DDX60: variants seen among roughly 807,000 people sequenced by gnomAD.
DDX60 encodes the protein probable ATP-dependent RNA helicase DDX60.
A neutral mutation model predicts 212.8 loss-of-function variants in DDX60; 165 were observed. That is an observed-to-expected ratio of 0.78 (90% CI 0.68 to 0.88). The LOEUF (loss-of-function observed/expected upper bound fraction) is 0.88, where lower values mean the gene tolerates loss of function less well. Ranked by LOEUF, DDX60 falls within the 40% of genes least tolerant of loss-of-function variation. DDX60 has a pLI of 0.00. For missense variants in DDX60, 1,905 were observed against 2,003.9 expected, an observed-to-expected ratio of 0.95 and a Z score of 0.94; for synonymous variants, 703 against 685.3, an observed-to-expected ratio of 1.03 and a Z score of -0.40.
chr4:168,254,595 G>A (rs902091509), intron 26 of DDX60, among the ~76,000 whole-genome samples: 27 of 152,042 alleles, frequency 1.8e-4, no homozygotes, highest in Non-Finnish European at 1.5e-5. Context: ...AAAAATACAC[G>A]GTTCCTGTTG....
intron 35 of DDX60, among the ~76,000 whole-genome samples, chr4:168,222,429 T>A: frequency 6.6e-6 from 1 of 152,118 alleles, no homozygotes. Flanking sequence ...AGCATACTGT[T>A]ATTATGAGTG....
At chr4:168,273,439 G>T in intron 17 of DDX60, 41 bp from the exon 18 acceptor site, 2 of 1,608,666 alleles carry the variant, frequency 1.2e-6, no homozygotes, top group South Asian at 2.2e-5. Context: ...ACATAATAGA[G>T]AGAGGTGAAA....
intron 27 of DDX60, 31 bp from the exon 28 acceptor site, chr4:168,251,137 A>G (rs755964975): frequency 6.4e-7 from 1 of 1,567,920 alleles, no homozygotes; most frequent in East Asian, 2.3e-5. Flanking sequence ...AGGGATTATG[A>G]TTTAATTTTA....
chr4:168,285,287 T>A, intron 11 of DDX60, 106 bp downstream of exon 11: 2 of 717,080 alleles, frequency 2.8e-6, no homozygotes, highest in Non-Finnish European at 4.7e-6. Flanking sequence ...TACAAACACA[T>A]ACTACATGTA....
chr4:168,256,569 G>C (rs573710452), intron 25 of DDX60, among the ~76,000 whole-genome samples: 40 of 152,266 alleles, frequency 2.6e-4, no homozygotes, highest in Admixed American at 1.7e-3. Context: ...AATGGCTGCA[G>C]ATCAAATTCT....
chr4:168,281,599 C>T (rs1164813541), intron 13 of DDX60, among the ~76,000 whole-genome samples: 1 of 152,152 alleles, frequency 6.6e-6, no homozygotes, highest in Non-Finnish European at 1.5e-5. Flanking sequence ...ATAAGCACTT[C>T]CAATTAACTT....
In DDX60 at chr4:168,264,110, G is replaced by A. The variant is rs531364315; in HGVS notation, c.3040-1323C>T. Among the ~76,000 whole-genome samples the A allele has an allele frequency of 5.6e-4, 86 of 152,272 alleles. 1 individual carries two copies. Among genetic ancestry groups the A allele is most frequent in the African/African-American group, 2.1e-3 (86 of 41,564 alleles). ...ACAGTTGAAAAAAACTGGAGATGAT[G>A]TTTGGTAGAATGGAAAGTACAGGAG... is the stretch of plus-strand genomic sequence containing the variant. On this transcript the variant is annotated intron_variant, in intron 22 of 37. Transcript: ENST00000393743.
chr4:168,280,296 T>A (rs761113818), intron 14 of DDX60, 39 bp downstream of exon 14: 2 of 1,569,852 alleles, frequency 1.3e-6, no homozygotes, highest in Admixed American at 3.8e-5. Context: ...TTTGTATTAA[T>A]TCTCCAACTC....
At chr4:168,264,385 T>C (rs1734753052) in intron 22 of DDX60, among the ~76,000 whole-genome samples, 1 of 152,208 alleles carries the variant, frequency 6.6e-6, no homozygotes, top group Non-Finnish European at 1.5e-5. Context: ...ATCAACATAC[T>C]AAATAAAACA....
intron 14 of DDX60, among the ~76,000 whole-genome samples, chr4:168,279,173 G>T (rs914192425): frequency 6.6e-6 from 1 of 152,192 alleles, no homozygotes; most frequent in Admixed American, 6.5e-5. Context: ...TTATCTTCTT[G>T]TGTTCTGGCA....
At chr4:168,284,193 A>G (rs1735716929) in intron 12 of DDX60, among the ~76,000 whole-genome samples, 2 of 152,190 alleles carry the variant, frequency 1.3e-5, no homozygotes, top group Non-Finnish European at 2.9e-5. Flanking sequence ...AAGCATGTTA[A>G]TGGTTCATCT....
intron 1 of DDX60, among the ~76,000 whole-genome samples, chr4:168,314,141 A>C (rs1737259979): frequency 6.6e-6 from 1 of 152,172 alleles, no homozygotes. Flanking sequence ...AAGTAGGCTT[A>C]CACACCCTAG....
At chr4:168,320,139 C>A (rs548831230), upstream of DDX60, among the ~76,000 whole-genome samples, 3 of 152,306 alleles carry the variant, frequency 2.0e-5, no homozygotes, top group South Asian at 2.1e-4. Flanking sequence ...ATACCCTGCA[C>A]TCCTCCCTCC....
rs968196023 is a variant in DDX60, at chr4:168,293,767, T to G, written c.882+20A>C. 1 of 1,572,796 alleles carries G rather than the reference T, an allele frequency of 6.4e-7. No homozygotes were observed. The highest frequency in any genetic ancestry group is 1.4e-5 in the African/African-American group (1 of 72,910). ...TGTGGAGAGAAATAGTATTTCTCAG[T>G]AAAGTTATAAAAACCACACCTGTTG... On this transcript the variant is annotated intron_variant, in intron 7 of 37. Transcript: ENST00000393743.
intron 26 of DDX60, 149 bp downstream of exon 26, chr4:168,255,562 C>A: frequency 3.3e-6 from 2 of 609,426 alleles, no homozygotes; most frequent in East Asian, 3.3e-5. Context: ...ATCTTTATCC[C>A]ATTCTCTCAC....
At position 168,273,952 on chromosome 4, in the gene DDX60, C is replaced by T; in HGVS notation, c.2436G>A (p.Val812=). 6.2e-7 allele frequency: 1 copy of T among 1,613,978 alleles called. No homozygotes were observed. Among genetic ancestry groups the T allele is most frequent in the Non-Finnish European group, 8.5e-7 (1 of 1,179,944 alleles). Residue 812 remains valine (V), a synonymous_variant, in exon 17 of 38, where the codon GTG becomes GTA. Transcript: ENST00000393743. ...VLKESDDGVV[V]YVAPTKALVN... ...GCACTACCTTTGTGGGTGCAACGTA[C>T]ACGACCACCCCGTCGTCGCTCTCCT...
Position 168,273,344 on chromosome 4 carries a change from G to A in DDX60, c.2509C>T (p.Pro837Ser). The change falls in exon 18 of 38, where the codon CCA becomes TCA. Residue 837 changes from proline (P) to serine (S), a missense_variant. Physicochemically the swap from Pro to Ser is moderately conservative, Grantham distance 74 (BLOSUM62 -1). Coordinates refer to ENST00000393743, the MANE Select transcript of DDX60 (RefSeq NM_017631.6). Reference protein sequence around the residue: ...TVQNRFTKNLPSGEVLCGVFT... With the variant: ...TVQNRFTKNLSSGEVLCGVFT... ...ACACCACAGAGAACTTCACCACTTGGCAGATTTTTCGTAAAACGATTCTGA... is the reference window on the plus strand; with the variant it reads ...ACACCACAGAGAACTTCACCACTTGACAGATTTTTCGTAAAACGATTCTGA... The A allele has an allele frequency of 6.2e-7, 1 of 1,613,832 alleles. No individual in the cohort carries two copies. The highest frequency in any genetic ancestry group is 8.5e-7 in the Non-Finnish European group (1 of 1,179,870).
At position 168,280,412 on chromosome 4, in the gene DDX60, C is replaced by T. The variant is rs200682611; in HGVS notation, c.1901G>A (p.Cys634Tyr). 1.6e-5 allele frequency: 26 copies of T among 1,614,206 alleles called. No individual in the cohort carries two copies. In the African/African-American group the frequency reaches 2.4e-4, roughly 15 times the overall value. Residue 634 changes from cysteine to tyrosine, a missense_variant, in exon 14 of 38, where the codon TGT (cysteine) becomes TAT (tyrosine). Physicochemically the swap from Cys to Tyr is radical, Grantham distance 194. Transcript: ENST00000393743. ...EDFLKSCKSS[C>Y]VKLQVEMVGL... ...CACCATTTCAACCTGAAGTTTCACA[C>T]AGCTACTTTTACAGGATTTCAAAAA...
chr4:168,224,514 GTAAGTTATATCGCA>G, intron 34 of DDX60, 129 bp from the exon 35 acceptor site: 1 of 847,092 alleles, frequency 1.2e-6, no homozygotes, highest in South Asian at 1.8e-5. Context: ...GAAATGTTTC[GTAAGTTATATCGCA>G]TAAGGTTAGT....
Sources: gnomAD v4.1 joint callset for allele counts (sites outside exome capture counted in the v4.1 genomes callset) on GRCh38, gnomAD v4.1.1 for gene constraint, MANE v1.5 for transcripts, NCBI Gene and HGNC (gene_info 2026-07-23, HGNC 2026-07-21) for gene names.